The following DLG2 variants were observed in gnomAD, a reference collection of about 807,000 sequenced individuals.
DLG2 encodes the protein discs large MAGUK scaffold protein 2.
Under a neutral mutation model 132.5 loss-of-function variants are expected in DLG2, and 45 were observed. The observed-to-expected ratio is 0.34, with a 90% CI of 0.27 to 0.44. The LOEUF is 0.44. Ranked by LOEUF, DLG2 falls within the 20% of genes least tolerant of loss-of-function variation. The pLI is 1.00. For synonymous variants in DLG2, 424 were observed against 419.6 expected (o/e 1.01, Z -0.13); for missense variants, 1,045 against 1,196.9 (o/e 0.87, Z 1.87).
Position 83,696,371 on chromosome 11 carries a change from G to A in DLG2, c.1826-63046C>T, listed in dbSNP as rs75693623. Among the ~76,000 whole-genome samples the A allele has an allele frequency of 2.3e-3, 353 of 152,292 alleles. 2 individuals carry two copies. The highest frequency in any genetic ancestry group is 8.4e-3 in the African/African-American group (347 of 41,550). On this transcript the variant is annotated intron_variant, in intron 18 of 27. Transcript: ENST00000376104. ...TGGACCCTGTTTCCCAACGTGGCAG[G>A]TGAGAGGGCGACATTTTGTGGCTAT...
chr11:85,043,090 T>G (rs1190498097), intron 6 of DLG2, among the ~76,000 whole-genome samples: 1 of 151,842 alleles, frequency 6.6e-6, no homozygotes, highest in Non-Finnish European at 1.5e-5. Flanking sequence ...ACATAATGAC[T>G]GCCATCCCTA....
chr11:85,438,483 A>C (rs2091607844), intron 3 of DLG2, among the ~76,000 whole-genome samples: 1 of 152,174 alleles, frequency 6.6e-6, no homozygotes, highest in Non-Finnish European at 1.5e-5. Flanking sequence ...GTATATATCC[A>C]TTACTTTTAA....
chr11:85,060,455 A>G (rs1471956599), intron 6 of DLG2, among the ~76,000 whole-genome samples: 1 of 148,394 alleles, frequency 6.7e-6, no homozygotes, highest in Non-Finnish European at 1.5e-5. Context: ...GCATATGCAT[A>G]TGTGTGTGTG....
chr11:83,831,628 T>A (rs996567236), intron 17 of DLG2, among the ~76,000 whole-genome samples: 1 of 152,140 alleles, frequency 6.6e-6, no homozygotes, highest in Non-Finnish European at 1.5e-5. Flanking sequence ...ATTATAAGAT[T>A]CTATTTATAA....
At chr11:84,515,179 A>G (rs1565161243) in intron 7 of DLG2, among the ~76,000 whole-genome samples, 2 of 151,842 alleles carry the variant, frequency 1.3e-5, no homozygotes, top group African/African-American at 4.8e-5. Context: ...TAATTCATAC[A>G]ATGGCAGTGA....
At chr11:84,884,963 T>C (rs1600786050) in intron 6 of DLG2, among the ~76,000 whole-genome samples, 2 of 152,218 alleles carry the variant, frequency 1.3e-5, no homozygotes, top group African/African-American at 4.8e-5. Flanking sequence ...AGCTGCCCAT[T>C]AGCCATTAAC....
At chr11:84,977,694 T>C (rs927595781) in intron 6 of DLG2, among the ~76,000 whole-genome samples, 1 of 152,158 alleles carries the variant, frequency 6.6e-6, no homozygotes, top group African/African-American at 2.4e-5. Context: ...TGTTTATAGA[T>C]CACAATCAGT....
chr11:83,791,931 T>C (rs1004976447), intron 17 of DLG2, among the ~76,000 whole-genome samples: 5 of 152,230 alleles, frequency 3.3e-5, no homozygotes, highest in African/African-American at 1.2e-4. Flanking sequence ...TTTATTTCTC[T>C]TGCTCTCCTT....
At chr11:83,892,019 T>G (rs2070056427) in intron 15 of DLG2, among the ~76,000 whole-genome samples, 1 of 152,150 alleles carries the variant, frequency 6.6e-6, no homozygotes, top group Non-Finnish European at 1.5e-5. Context: ...TCACCCTCAT[T>G]GTACCAATAG....
At chr11:84,428,645 C>T (rs1262698554) in intron 7 of DLG2, among the ~76,000 whole-genome samples, 1 of 152,080 alleles carries the variant, frequency 6.6e-6, no homozygotes, top group Non-Finnish European at 1.5e-5. Context: ...AGATTCAGAC[C>T]CCACCATTAT....
intron 6 of DLG2, among the ~76,000 whole-genome samples, chr11:85,099,583 G>C (rs1039808232): frequency 6.6e-6 from 1 of 152,110 alleles, no homozygotes; most frequent in African/African-American, 2.4e-5. Context: ...ACATTAAATT[G>C]TGTGAAGTAC....
intron 6 of DLG2, among the ~76,000 whole-genome samples, chr11:84,996,862 T>C (rs2057702205): frequency 6.6e-6 from 1 of 152,194 alleles, no homozygotes. Flanking sequence ...TCAGAGCGTC[T>C]TGCAGCTGAT....
intron 7 of DLG2, among the ~76,000 whole-genome samples, chr11:84,492,928 T>C (rs1183385263): frequency 1.3e-5 from 2 of 152,154 alleles, no homozygotes; most frequent in African/African-American, 4.8e-5. Flanking sequence ...GCTTATATAA[T>C]AATATCATAT....
chr11:85,315,418 G>T (rs974680362), intron 3 of DLG2, among the ~76,000 whole-genome samples: 3 of 151,928 alleles, frequency 2.0e-5, no homozygotes, highest in Admixed American at 2.0e-4. Context: ...TTCTGATATG[G>T]TATCATAAAA....
chr11:85,623,177 T>C (rs2081840224), intron 2 of DLG2, among the ~76,000 whole-genome samples: 1 of 151,884 alleles, frequency 6.6e-6, no homozygotes, highest in Admixed American at 6.6e-5. Flanking sequence ...ATGATAAAAA[T>C]GTTTATATAT....
At chr11:84,281,828 C>T (rs1029833486) in intron 7 of DLG2, among the ~76,000 whole-genome samples, 1 of 151,976 alleles carries the variant, frequency 6.6e-6, no homozygotes, top group African/African-American at 2.4e-5. Context: ...TACTACATAC[C>T]TATTAGAATG....
At chr11:83,540,268 G>T (rs999528834) in intron 20 of DLG2, among the ~76,000 whole-genome samples, 1 of 152,140 alleles carries the variant, frequency 6.6e-6, no homozygotes, top group African/African-American at 2.4e-5. Flanking sequence ...GAGAGACCCG[G>T]AATATAAACA....
At chr11:84,738,830 A>G (rs548098) in intron 6 of DLG2, among the ~76,000 whole-genome samples, 104,457 of 152,018 alleles carry the variant, frequency 0.69, 36,627 homozygotes, top group Middle Eastern at 0.8. Flanking sequence ...TTTTTTCATA[A>G]TATCTCCAAA....
At chr11:85,451,785 A>G (rs913903720) in intron 3 of DLG2, among the ~76,000 whole-genome samples, 1 of 152,148 alleles carries the variant, frequency 6.6e-6, no homozygotes, top group African/African-American at 2.4e-5. Flanking sequence ...CTTGGCCCCA[A>G]GCAATCCTCT....
Sources: gnomAD v4.1 joint callset for allele counts (sites outside exome capture counted in the v4.1 genomes callset) on GRCh38, gnomAD v4.1.1 for gene constraint, MANE v1.5 for transcripts, NCBI Gene and HGNC (gene_info 2026-07-23, HGNC 2026-07-21) for gene names.